UGT1A4: variants seen among roughly 807,000 people sequenced by gnomAD.
The protein encoded by UGT1A4 is UDP glucuronosyltransferase family 1 member A4, also known as UDP-glucuronosyltransferase 1A4.
UGT1A4 carries 32 observed loss-of-function variants against 41.1 expected under a neutral mutation model. The observed-to-expected ratio is 0.78, with a 90% confidence interval of 0.59 to 1.05. The LOEUF (loss-of-function observed/expected upper bound fraction) is 1.05, where lower values mean the gene tolerates loss of function less well. Ranked by LOEUF, UGT1A4 falls within the 50% of genes least tolerant of loss-of-function variation. The pLI is 0.00. For synonymous variants in UGT1A4, 283 were observed against 265.1 expected (o/e 1.07, Z -0.66); for missense variants, 748 against 677.4 (o/e 1.10, Z -1.16).
intron 1 of UGT1A4, among the ~76,000 whole-genome samples, chr2:233,746,960 G>T (rs1278359250): frequency 6.6e-6 from 1 of 151,782 alleles, no homozygotes; most frequent in African/African-American, 2.4e-5. Flanking sequence ...GCTTGAACTT[G>T]GATGTTCCCC....
At chr2:233,729,066 A>G (rs1283687503) in intron 1 of UGT1A4, 3 of 1,611,112 alleles carry the variant, frequency 1.9e-6, no homozygotes, top group Non-Finnish European at 2.5e-6. Context: ...TAAGATGAAG[A>G]AAGCAAATGT....
At chr2:233,735,891 A>C (rs2078706865) in intron 1 of UGT1A4, among the ~76,000 whole-genome samples, 2 of 151,822 alleles carry the variant, frequency 1.3e-5, no homozygotes, top group East Asian at 3.9e-4. Flanking sequence ...TGTTAGTCTG[A>C]TGGGCTTCCC....
chr2:233,733,733 C>T (rs1439271515), intron 1 of UGT1A4, among the ~76,000 whole-genome samples: 1 of 152,152 alleles, frequency 6.6e-6, no homozygotes, highest in Non-Finnish European at 1.5e-5. Flanking sequence ...ATTTTTGCAT[C>T]GATGTTCATC....
chr2:233,737,416 C>T (rs1321045619), intron 1 of UGT1A4, among the ~76,000 whole-genome samples: 5 of 152,210 alleles, frequency 3.3e-5, no homozygotes, highest in Non-Finnish European at 7.3e-5. Context: ...TTGGGAAAAG[C>T]ACAGTATTTG....
chr2:233,747,352 C>T (rs1016140254), intron 1 of UGT1A4: 87 of 1,602,584 alleles, frequency 5.4e-5, no homozygotes, highest in Admixed American at 8.4e-5. Flanking sequence ...ATGCGGGAGG[C>T]CGTGCGGGAG....
chr2:233,727,330 C>T (rs574704586), intron 1 of UGT1A4, among the ~76,000 whole-genome samples: 1 of 152,238 alleles, frequency 6.6e-6, no homozygotes, highest in East Asian at 1.9e-4. Flanking sequence ...ACCAGGAGCT[C>T]CTCCCTCCCC....
chr2:233,752,662 G>T (rs1695027689), intron 1 of UGT1A4: 5 of 152,258 alleles, frequency 3.3e-5, no homozygotes, highest in Admixed American at 2.0e-4. Flanking sequence ...TGAGGAGGAA[G>T]GATCACTTGA....
intron 1 of UGT1A4, among the ~76,000 whole-genome samples, chr2:233,761,822 T>C (rs1451181524): frequency 6.6e-6 from 1 of 152,180 alleles, no homozygotes; most frequent in Non-Finnish European, 1.5e-5. Context: ...AGAGGCTCCT[T>C]CAGATGGAGC....
At chr2:233,737,278 C>T (rs2078858551) in intron 1 of UGT1A4, among the ~76,000 whole-genome samples, 2 of 152,234 alleles carry the variant, frequency 1.3e-5, no homozygotes, top group Admixed American at 1.3e-4. Context: ...CACCCCTCAC[C>T]CAGCCAGGCT....
chr2:233,725,264 GGAGGCA>G lies in UGT1A4; in HGVS notation c.867+5625_867+5630del, dbSNP rs551912265. ...CAGAGGCAGAGGAGGCAGAGGCAGA[GGAGGCA>G]GAGGCAGAGGCAGAGGCAGAGGCAG... On this transcript the variant is annotated intron_variant, in intron 1 of 4. Transcript: ENST00000373409. Among the ~76,000 whole-genome samples, 500 of 58,540 alleles carry G rather than the reference GGAGGCA, an allele frequency of 8.5e-3. 122 individuals carry two copies. Among genetic ancestry groups the G allele is most frequent in the East Asian group, 0.035 (117 of 3,306 alleles). 38.4% of individuals were successfully genotyped at this position (58,540 alleles called of 152,430 possible). A position where few individuals can be genotyped will look rare whatever the true frequency, so the allele number is the denominator to read the frequency against.
chr2:233,738,951 T>G (rs1690944687), intron 1 of UGT1A4: 1 of 152,230 alleles, frequency 6.6e-6, no homozygotes, highest in Non-Finnish European at 1.5e-5. Context: ...TGTTTTAGGC[T>G]GGGTCCAGGC....
chr2:233,743,667 C>T lies in UGT1A4; in HGVS notation c.868-23367C>T, dbSNP rs201017854. 1.1e-4 allele frequency: 149 copies of T among 1,367,202 alleles called. 1 individual carries two copies. The highest frequency in any genetic ancestry group is 3.2e-4 in the East Asian group (7 of 21,982). The allele number at this position is 1,367,202 out of a possible 1,614,324, so 84.7% of individuals were successfully genotyped here. A position where few individuals can be genotyped will look rare whatever the true frequency, so the allele number is the denominator to read the frequency against. Reference sequence around the variant, plus strand: ...CTGAAGACGTACTCGAAGGGGTCCTCGAAGGGCCTGCCGCCTGTGCAGCCG... The same window carrying T: ...CTGAAGACGTACTCGAAGGGGTCCTTGAAGGGCCTGCCGCCTGTGCAGCCG... On this transcript the variant is annotated intron_variant, in intron 1 of 4. Coordinates refer to ENST00000373409, the MANE Select transcript of UGT1A4 (RefSeq NM_007120.3).
chr2:233,719,353 G>A lies in UGT1A4; in HGVS notation c.533G>A (p.Cys178Tyr). ...PAVFFWRYIP[C>Y]DLDFKGTQCP... The stretch of plus-strand genomic sequence containing the variant: ...GTGTTTTTTTGGAGGTACATTCCAT[G>A]TGACTTAGACTTTAAGGGCACACAG... The change falls in exon 1 of 5, where the codon TGT becomes TAT. Residue 178 changes from cysteine (C) to tyrosine (Y), a missense_variant. Physicochemically the swap from Cys to Tyr is radical, Grantham distance 194. Transcript: ENST00000373409. 1.9e-6 allele frequency: 3 copies of A among 1,613,930 alleles called. No homozygotes were observed. Among genetic ancestry groups the A allele is most frequent in the Non-Finnish European group, 2.5e-6 (3 of 1,179,870 alleles).
At chr2:233,772,184 TA>T (rs2126065808) in intron 4 of UGT1A4, 77 bp from the exon 5 acceptor site, 1 of 1,591,636 alleles carries the variant, frequency 6.3e-7, no homozygotes, top group Admixed American at 1.8e-5. Context: ...GTAGTCTTCT[TA>T]AGCAGCCATG....
At chr2:233,755,259 T>C in intron 1 of UGT1A4, 1 of 802,542 alleles carries the variant, frequency 1.2e-6, no homozygotes, top group African/African-American at 1.7e-5. Context: ...CACCTCGTAG[T>C]AGTCCACTAT....
chr2:233,750,785 G>A (rs1694560373), intron 1 of UGT1A4: 1 of 151,946 alleles, frequency 6.6e-6, no homozygotes. Context: ...TGGGTACACA[G>A]AAGATAAGAA....
chr2:233,771,796 C>A (rs373628815), intron 4 of UGT1A4, among the ~76,000 whole-genome samples: 1 of 151,712 alleles, frequency 6.6e-6, no homozygotes, highest in Non-Finnish European at 1.5e-5. Flanking sequence ...CCCTCCCTCC[C>A]TCCCTCCCTT....
intron 1 of UGT1A4, among the ~76,000 whole-genome samples, chr2:233,758,574 AAG>A (rs1434533042): frequency 6.6e-5 from 10 of 152,190 alleles, no homozygotes; most frequent in Admixed American, 3.3e-4. Flanking sequence ...CTAAAAAATG[AAG>A]AGTGTTTGGG....
Position 233,769,575 on chromosome 2 carries a change from G to A in UGT1A4, c.1307+1136G>A. On this transcript the variant is annotated intron_variant, in intron 4 of 4. Coordinates refer to ENST00000373409, the MANE Select transcript of UGT1A4 (RefSeq NM_007120.3). The surrounding 1 kb of genome is among the most constrained non-coding windows in gnomAD (Gnocchi z 4.4). ...AGACAGATGTGAAGAGCTGGAGCAT[G>A]TTCAGATGAGAGGAGACGGAACACG... The A allele has an allele frequency of 6.2e-7, 1 of 1,612,906 alleles. No homozygotes were observed. Among genetic ancestry groups the A allele is most frequent in the Middle Eastern group, 1.7e-4 (1 of 6,060 alleles).
Sources: allele counts gnomAD v4.1 joint callset (sites outside exome capture counted in the v4.1 genomes callset), GRCh38; gene constraint gnomAD v4.1.1; non-coding constraint Gnocchi (gnomAD v3.1); transcripts MANE v1.5; gene names NCBI Gene and HGNC (gene_info 2026-07-23, HGNC 2026-07-21).